RNLS: variants seen among roughly 807,000 people sequenced by gnomAD.
The protein encoded by RNLS is renalase.
A neutral mutation model predicts 39.8 loss-of-function variants in RNLS; 39 were observed. The ratio of observed to expected loss-of-function variants is 0.98; its 90% CI spans 0.76 to 1.28. The LOEUF (loss-of-function observed/expected upper bound fraction) is 1.28, where lower values mean the gene tolerates loss of function less well. Ranked by LOEUF, RNLS falls within the 50% of genes most tolerant of loss-of-function variation. The pLI is 0.00. For missense variants in RNLS, 410 were observed against 413.3 expected (o/e 0.99, Z 0.07); for synonymous variants, 147 against 150.7 (o/e 0.98, Z 0.18).
chr10:88,463,880 T>C (rs910407340), intron 4 of RNLS, among the ~76,000 whole-genome samples: 10 of 151,982 alleles, frequency 6.6e-5, no homozygotes, highest in African/African-American at 2.4e-4. Flanking sequence ...AACTTAACTC[T>C]ATGATGACTT....
intron 3 of RNLS, among the ~76,000 whole-genome samples, chr10:88,574,581 A>T (rs10887832): frequency 0.36 from 55,335 of 152,090 alleles, 10,825 homozygotes; most frequent in African/African-American, 0.5. Flanking sequence ...ATACACTTTC[A>T]TCTCTTTCAT....
At chr10:88,424,200 T>C (rs943306294) in intron 4 of RNLS, among the ~76,000 whole-genome samples, 5 of 152,168 alleles carry the variant, frequency 3.3e-5, no homozygotes, top group African/African-American at 1.2e-4. Context: ...ACATGCATAA[T>C]AGTGCCTGGC....
chr10:88,449,266 C>T (rs558240982), intron 4 of RNLS, among the ~76,000 whole-genome samples: 27 of 152,336 alleles, frequency 1.8e-4, no homozygotes, highest in African/African-American at 6.3e-4. Flanking sequence ...GCCTTCCTCT[C>T]TGATCACCAA....
chr10:88,507,463 A>T (rs117309426), intron 4 of RNLS, among the ~76,000 whole-genome samples: 210 of 152,250 alleles, frequency 1.4e-3, no homozygotes, highest in Non-Finnish European at 2.8e-3. Flanking sequence ...CTTTCCTTTC[A>T]CAATCATTTG....
the RNLS span, among the ~76,000 whole-genome samples, chr10:88,268,515 T>C: frequency 1.3e-5 from 2 of 152,190 alleles, no homozygotes; most frequent in Non-Finnish European, 2.9e-5. Flanking sequence ...GCATGCTGTA[T>C]ATCTCTCTCA....
chr10:88,380,945 C>CTT (rs1407881748), intron 4 of RNLS, among the ~76,000 whole-genome samples: 3 of 152,112 alleles, frequency 2.0e-5, no homozygotes, highest in Non-Finnish European at 4.4e-5. Flanking sequence ...GAACTAAATT[C>CTT]TTAAATAAAT....
chr10:88,572,112 A>T (rs1228307904), intron 4 of RNLS, among the ~76,000 whole-genome samples: 2 of 151,800 alleles, frequency 1.3e-5, no homozygotes, highest in Middle Eastern at 3.4e-3. Context: ...CACCTCCCCT[A>T]CTCCCACCTC....
At chr10:88,427,607 T>C (rs371873975) in intron 4 of RNLS, among the ~76,000 whole-genome samples, 1 of 152,074 alleles carries the variant, frequency 6.6e-6, no homozygotes, top group Non-Finnish European at 1.5e-5. Flanking sequence ...GAATTGGAGA[T>C]TGCATTATTC....
chr10:88,324,026 A>T (rs1283244054), intron 5 of RNLS, among the ~76,000 whole-genome samples: 2 of 152,184 alleles, frequency 1.3e-5, no homozygotes, highest in African/African-American at 2.4e-5. Context: ...TCAAAATCGC[A>T]ATGAGTTACC....
intron 4 of RNLS, among the ~76,000 whole-genome samples, chr10:88,378,097 TAGA>T (rs1297713769): frequency 6.6e-6 from 1 of 152,154 alleles, no homozygotes; most frequent in Non-Finnish European, 1.5e-5. Context: ...ACTGTCCCAC[TAGA>T]AGGTCTTCAA....
intron 4 of RNLS, among the ~76,000 whole-genome samples, chr10:88,369,436 C>T (rs898160099): frequency 2.0e-5 from 3 of 152,172 alleles, no homozygotes; most frequent in Admixed American, 6.5e-5. Context: ...GATATTGATT[C>T]CTCCTGTTCC....
At chr10:88,300,608 A>T (rs928246695) in intron 6 of RNLS, among the ~76,000 whole-genome samples, 1 of 152,188 alleles carries the variant, frequency 6.6e-6, no homozygotes, top group East Asian at 1.9e-4. Context: ...TATATTGTAC[A>T]TAGTTTTTGT....
At chr10:88,389,316 GT>G (rs921358412) in intron 4 of RNLS, among the ~76,000 whole-genome samples, 5 of 151,332 alleles carry the variant, frequency 3.3e-5, no homozygotes, top group Middle Eastern at 3.4e-3. Context: ...ACTGTGCTGG[GT>G]TTTTTTTTGT....
chr10:88,582,445 G>T, intron 1 of RNLS, 138 bp from the exon 2 acceptor site: 1 of 630,126 alleles, frequency 1.6e-6, no homozygotes, highest in Non-Finnish European at 2.7e-6. Context: ...TATTTGATCA[G>T]ATTGTGAGAT....
the RNLS span, among the ~76,000 whole-genome samples, chr10:88,181,404 A>G: frequency 6.6e-6 from 1 of 152,176 alleles, no homozygotes; most frequent in South Asian, 2.1e-4. Context: ...GAAGCAGAGA[A>G]CCCAGAAAAG....
intron 4 of RNLS, among the ~76,000 whole-genome samples, chr10:88,535,609 T>TA (rs887712980): frequency 2.6e-5 from 4 of 151,270 alleles, no homozygotes; most frequent in Admixed American, 6.6e-5. Context: ...AAAAAAAAGA[T>TA]AAAAAAAACC....
chr10:88,520,592 T>A (rs906593370), intron 4 of RNLS, among the ~76,000 whole-genome samples: 1 of 152,034 alleles, frequency 6.6e-6, no homozygotes, highest in Non-Finnish European at 1.5e-5. Flanking sequence ...AGGCAGGTAA[T>A]CCTATATGTT....
intron 4 of RNLS, among the ~76,000 whole-genome samples, chr10:88,508,838 T>C (rs1336689768): frequency 6.6e-6 from 1 of 152,124 alleles, no homozygotes; most frequent in East Asian, 1.9e-4. Flanking sequence ...TTAGCACCAA[T>C]AATGTCAAAT....
chr10:88,309,507 G>A lies in RNLS; in HGVS notation c.876+4959C>T, dbSNP rs1025390816. On this transcript the variant is annotated intron_variant, in intron 6 of 6. Transcript: ENST00000331772. ...AGAAAAATTCTGCCCTTCAGCCATT[G>A]CACATTTCCCCTTTTCTCTCTTACT... 6.5e-6 allele frequency: 8 copies of A among 1,232,998 alleles called. No individual in the cohort carries two copies. The African/African-American group carries it at 1.1e-4, about 17-fold the overall frequency. The allele number at this position is 1,232,998 out of a possible 1,614,324, so 76.4% of individuals were successfully genotyped here.
Sources: gnomAD v4.1 joint callset for allele counts (sites outside exome capture counted in the v4.1 genomes callset) on GRCh38, gnomAD v4.1.1 for gene constraint, MANE v1.5 for transcripts, NCBI Gene and HGNC (gene_info 2026-07-23, HGNC 2026-07-21) for gene names.